Variants in CHRNB4 observed in about 807,000 individuals in gnomAD.
CHRNB4 encodes the protein neuronal acetylcholine receptor subunit beta-4.
A neutral mutation model predicts 40.4 loss-of-function variants in CHRNB4; 23 were observed. That is an observed-to-expected ratio of 0.57 (90% confidence interval 0.41 to 0.81). CHRNB4 has a LOEUF of 0.81. CHRNB4 is among the 30% of genes least tolerant of loss of function. The probability of loss-of-function intolerance (pLI) is 0.00; values close to 1 mark genes in which losing one functional copy is unlikely to be tolerated. For missense variants in CHRNB4, 568 were observed against 670.6 expected, an observed-to-expected ratio of 0.85 and a Z score of 1.69; for synonymous variants, 285 against 274.4, an observed-to-expected ratio of 1.04 and a Z score of -0.38.
rs144348336 is a variant in CHRNB4 at position 78,636,305 on chromosome 15, T to C, written c.56-718A>G. On this transcript the variant is annotated intron_variant, in intron 1 of 5. Coordinates refer to ENST00000261751, the MANE Select transcript of CHRNB4 (RefSeq NM_000750.5). ...CTCCCCACCCCTGCCCTCCTCCTGG[T>C]CTCTCCACCCGCAGTCTCTCCCTGC... 3.5e-3 allele frequency among the ~76,000 whole-genome samples: 539 copies of C among 151,992 alleles called. 1 individual carries two copies. Among genetic ancestry groups the C allele is most frequent in the African/African-American group, 0.012 (498 of 41,448 alleles).
chr15:78,632,157 CTTTT>C (rs2053827027), intron 2 of CHRNB4, among the ~76,000 whole-genome samples: 3 of 140,918 alleles, frequency 2.1e-5, no homozygotes, highest in African/African-American at 7.9e-5. Context: ...TTCTGTCTTT[CTTTT>C]CTTTTCTTTC....
At chr15:78,625,627 A>G (rs1021606834) in intron 5 of CHRNB4, among the ~76,000 whole-genome samples, 3 of 152,228 alleles carry the variant, frequency 2.0e-5, no homozygotes, top group African/African-American at 7.2e-5. Flanking sequence ...ATAGGGCCTG[A>G]GGATCTCAAA....
chr15:78,629,504 G>A lies in CHRNB4; in HGVS notation c.801C>T (p.Cys267=). 6.2e-7 allele frequency: 1 copy of A among 1,614,200 alleles called. No individual in the cohort carries two copies. The highest frequency in any genetic ancestry group is 1.1e-5 in the South Asian group (1 of 91,082). The part of the protein sequence containing the change: ...PSDCGEKMTL[C]ISVLLALTFF... ...ATGTCAGTGCCAGCAGCACTGAGATGCACAGTGTCATCTTCTCGCCGCAGT... is the reference window on the plus strand; with the variant it reads ...ATGTCAGTGCCAGCAGCACTGAGATACACAGTGTCATCTTCTCGCCGCAGT... Residue 267 remains cysteine (C), a synonymous_variant, in exon 5 of 6, where the codon TGC becomes TGT. Coordinates refer to ENST00000261751, the MANE Select transcript of CHRNB4 (RefSeq NM_000750.5). The surrounding 1 kb of genome is among the most constrained non-coding windows in gnomAD (Gnocchi z 6.8).
Position 78,651,256 on chromosome 15 carries a change from A to C in CHRNB4, c.-16+1322T>G, listed in dbSNP as rs149792103. Among the ~76,000 whole-genome samples, 529 of 152,266 alleles carry C rather than the reference A, an allele frequency of 3.5e-3. 3 individuals carry two copies. Among genetic ancestry groups the C allele is most frequent in the African/African-American group, 0.012 (486 of 41,556 alleles). ...AGGGTTCATGGATAAAACAAAAACAAAACAAAAAGCAAGCGGCCAAAAGCA... is the reference window on the plus strand; with the variant it reads ...AGGGTTCATGGATAAAACAAAAACACAACAAAAAGCAAGCGGCCAAAAGCA... On this transcript the variant is annotated intron_variant and NMD_transcript_variant, in intron 6 of 11. Coordinates refer to the CHRNB4 transcript ENST00000559849.
chr15:78,649,446 A>G (rs912564361), intron 6 of CHRNB4: 6 of 454,484 alleles, frequency 1.3e-5, no homozygotes, highest in African/African-American at 1.0e-4. Flanking sequence ...GGAGCTAAGA[A>G]GAATGGTTTT....
upstream of CHRNB4, among the ~76,000 whole-genome samples, chr15:78,643,061 TAAC>T (rs1355414229): frequency 1.3e-5 from 2 of 152,128 alleles, no homozygotes; most frequent in South Asian, 2.1e-4. Context: ...TAAAGTAACT[TAAC>T]AATACCCAGA....
chr15:78,632,001 C>T lies in CHRNB4; in HGVS notation c.205-669G>A, dbSNP rs28723655. On this transcript the variant is annotated intron_variant, in intron 2 of 5. Coordinates refer to ENST00000261751, the MANE Select transcript of CHRNB4 (RefSeq NM_000750.5). ...TGCACTGCCTCTTTGCTCCTGCACA[C>T]ACTGTTCCCTTTTCCTGGAAACCCC... Among the ~76,000 whole-genome samples the T allele has an allele frequency of 6.0e-3, 912 of 152,282 alleles. 7 individuals carry two copies. The highest frequency in any genetic ancestry group is 0.016 in the African/African-American group (649 of 41,556).
exon 4 of CHRNB4, chr15:78,656,224 C>G (rs2054212012): frequency 6.6e-6 from 1 of 151,154 alleles, no homozygotes; most frequent in African/African-American, 2.4e-5. Flanking sequence ...GTAGTCCCAG[C>G]TACTTGGGAG....
At chr15:78,653,398 C>T (rs191930278) in intron 5 of CHRNB4, among the ~76,000 whole-genome samples, 125 of 152,306 alleles carry the variant, frequency 8.2e-4, no homozygotes, top group Admixed American at 1.6e-3. Flanking sequence ...GCCCTGATTC[C>T]TCTCAATCTT....
rs186814351 is a variant in CHRNB4 at position 78,633,021 on chromosome 15, G to A, written c.205-1689C>T. On this transcript the variant is annotated intron_variant, in intron 2 of 5. Transcript: ENST00000261751. ...TACAGAATAAAAATCTTGCTCCTTC[G>A]CAGGGTCTACGGGGCCTTGCCAGGT... is the stretch of plus-strand genomic sequence containing the variant. Among the ~76,000 whole-genome samples the A allele has an allele frequency of 1.5e-4, 23 of 152,144 alleles. No homozygotes were observed. In the East Asian group the frequency reaches 2.1e-3, roughly 14 times the overall value.
At chr15:78,659,567 G>A (rs2054237243) in intron 1 of CHRNB4, among the ~76,000 whole-genome samples, 1 of 152,158 alleles carries the variant, frequency 6.6e-6, no homozygotes, top group Admixed American at 6.5e-5. Flanking sequence ...TGACATTTGA[G>A]ACCTGAATGA....
At chr15:78,631,392 C>T (rs2053808441) in intron 2 of CHRNB4, 60 bp from the exon 3 acceptor site, 5 of 1,556,666 alleles carry the variant, frequency 3.2e-6, no homozygotes, top group South Asian at 2.3e-5. Context: ...AAATGGATTG[C>T]ACTTTATTGT....
chr15:78,631,379 C>G lies in CHRNB4; in HGVS notation c.205-47G>C, dbSNP rs55647022. 2.0e-3 allele frequency: 3,245 copies of G among 1,591,018 alleles called. 50 individuals carry two copies. The African/African-American group carries it at 0.035, about 17-fold the overall frequency. ...TCAGTTCACCAGGAAGGAGGAGCCT[C>G]ACAAATGGATTGCACTTTATTGTGC... On this transcript the variant is annotated intron_variant, in intron 2 of 5. Transcript: ENST00000261751.
intron 4 of CHRNB4, 91 bp from the exon 5 acceptor site, chr15:78,630,036 A>G: frequency 7.3e-7 from 1 of 1,367,534 alleles, no homozygotes; most frequent in Non-Finnish European, 9.6e-7. Flanking sequence ...CTTTGGGATT[A>G]TTTCCCACTA....
At chr15:78,632,185 CTT>C (rs1320466806) in intron 2 of CHRNB4, among the ~76,000 whole-genome samples, 14 of 7,986 alleles carry the variant, frequency 1.8e-3, no homozygotes, top group Admixed American at 8.4e-3. Flanking sequence ...TTCTTTCTTT[CTT>C]TCTTTCTTTC....
At chr15:78,630,418 G>A (rs1466931432) in intron 4 of CHRNB4, among the ~76,000 whole-genome samples, 1 of 152,104 alleles carries the variant, frequency 6.6e-6, no homozygotes, top group East Asian at 1.9e-4. Flanking sequence ...GATTACAGGT[G>A]TGAGCCACCA....
At chr15:78,651,631 C>T (rs1851960461) in intron 6 of CHRNB4, among the ~76,000 whole-genome samples, 1 of 152,208 alleles carries the variant, frequency 6.6e-6, no homozygotes, top group African/African-American at 2.4e-5. Flanking sequence ...CCAGCCCCTC[C>T]ACAATCATGT....
chr15:78,659,909 T>A (rs1012434256), intron 1 of CHRNB4, among the ~76,000 whole-genome samples: 2 of 151,786 alleles, frequency 1.3e-5, no homozygotes, highest in Admixed American at 1.3e-4. Context: ...CTCACAGGAG[T>A]CCAAGCTAGA....
chr15:78,639,904 A>T lies in CHRNB4; in HGVS notation c.55+1175T>A, dbSNP rs182495139. On this transcript the variant is annotated intron_variant, in intron 1 of 5. Coordinates refer to ENST00000261751, the MANE Select transcript of CHRNB4 (RefSeq NM_000750.5). Reference sequence around the variant, plus strand: ...GGTCCAGGATGGTGAAAGAAATGGCACAGGGTCACCCAGCTAGTAGAAGAG... The same window carrying T: ...GGTCCAGGATGGTGAAAGAAATGGCTCAGGGTCACCCAGCTAGTAGAAGAG... 3.3e-3 allele frequency among the ~76,000 whole-genome samples: 507 copies of T among 152,210 alleles called. 3 individuals are homozygous for T. Among genetic ancestry groups the T allele is most frequent in the African/African-American group, 0.012 (490 of 41,528 alleles).
Sources: allele counts gnomAD v4.1 joint callset (sites outside exome capture counted in the v4.1 genomes callset), GRCh38; gene constraint gnomAD v4.1.1; non-coding constraint Gnocchi (gnomAD v3.1); transcripts MANE v1.5; gene names NCBI Gene and HGNC (gene_info 2026-07-23, HGNC 2026-07-21).